Variants in RTN4 observed in about 807,000 individuals in gnomAD.
The protein encoded by RTN4 is reticulon-4.
A neutral mutation model predicts 90.4 loss-of-function variants in RTN4; 32 were observed. The ratio of observed to expected loss-of-function variants is 0.35; its 90% CI spans 0.27 to 0.48. The LOEUF is 0.48. RTN4 is among the 20% of genes least tolerant of loss of function. The probability of loss-of-function intolerance (pLI) is 0.99; values close to 1 mark genes in which losing one functional copy is unlikely to be tolerated. For missense variants in RTN4, 1,706 were observed against 1,430.2 expected (o/e 1.19, Z -3.11); for synonymous variants, 629 against 552.5 (o/e 1.14, Z -1.94).
chr2:55,021,394 C>G (rs1558813436), intron 3 of RTN4, among the ~76,000 whole-genome samples: 1 of 150,886 alleles, frequency 6.6e-6, no homozygotes, highest in Non-Finnish European at 1.5e-5. Context: ...TTTCCCTGCC[C>G]CCCCCGCCAA....
At chr2:55,058,862 G>C (rs1235224667) in intron 2 of RTN4, among the ~76,000 whole-genome samples, 6 of 126,786 alleles carry the variant, frequency 4.7e-5, no homozygotes, top group African/African-American at 1.3e-4. Flanking sequence ...TTTCTTTTTT[G>C]ATAATTTTTT....
intron 1 of RTN4, among the ~76,000 whole-genome samples, chr2:55,103,668 A>C (rs1458106614): frequency 2.0e-5 from 3 of 152,026 alleles, no homozygotes; most frequent in Non-Finnish European, 2.9e-5. Flanking sequence ...GAAGACTTCT[A>C]TACAGTTGTA....
At chr2:54,974,882 G>A in intron 5 of RTN4, 118 bp from the exon 6 acceptor site, 1 of 757,846 alleles carries the variant, frequency 1.3e-6, no homozygotes, top group Non-Finnish European at 2.3e-6. Context: ...CTTGAAGACT[G>A]GGTAAAGTAC....
At chr2:54,996,856 A>T (rs942222035) in intron 3 of RTN4, among the ~76,000 whole-genome samples, 1 of 152,076 alleles carries the variant, frequency 6.6e-6, no homozygotes, top group South Asian at 2.1e-4. Context: ...CTGGGCTCAA[A>T]CAATCCTCCT....
At position 55,005,326 on chromosome 2, in the gene RTN4, T is replaced by C. The variant is rs572151529; in HGVS notation, c.3014-17628A>G. Among the ~76,000 whole-genome samples, 12 of 152,298 alleles carry C rather than the reference T, an allele frequency of 7.9e-5. No homozygotes were observed. The South Asian group carries it at 2.3e-3, about 29-fold the overall frequency. The stretch of plus-strand genomic sequence containing the variant: ...AGTACACAGACTTGGGTAAATAAAA[T>C]AGAAAGGCTATTTCCACCATTGCTC... On this transcript the variant is annotated intron_variant, in intron 3 of 8. Transcript: ENST00000337526.
chr2:55,131,414 G>C, the RTN4 span, among the ~76,000 whole-genome samples: 1 of 16,622 alleles, frequency 6.0e-5, no homozygotes, highest in South Asian at 7.4e-4. Flanking sequence ...TTGCCATGTT[G>C]CCCAGGCTGG....
intron 1 of RTN4, among the ~76,000 whole-genome samples, chr2:55,043,704 G>A (rs1234683022): frequency 6.6e-6 from 1 of 152,064 alleles, no homozygotes; most frequent in Non-Finnish European, 1.5e-5. Context: ...TGGCCAACAT[G>A]GTGAAACCCC....
upstream of RTN4, among the ~76,000 whole-genome samples, chr2:55,054,323 T>G (rs1668152634): frequency 6.6e-6 from 1 of 152,146 alleles, no homozygotes; most frequent in Admixed American, 6.5e-5. Context: ...GTGCTTTCAC[T>G]TTATACTTTT....
At chr2:55,088,696 C>T (rs570466387) in intron 1 of RTN4, among the ~76,000 whole-genome samples, 21 of 152,016 alleles carry the variant, frequency 1.4e-4, no homozygotes, top group South Asian at 6.2e-4. Context: ...AAAATGATGA[C>T]GGGGAGTTAG....
chr2:55,017,066 T>C (rs1259046064), intron 3 of RTN4, among the ~76,000 whole-genome samples: 1 of 152,192 alleles, frequency 6.6e-6, no homozygotes, highest in Non-Finnish European at 1.5e-5. Flanking sequence ...AATATAATCG[T>C]TTCCTTTATT....
intron 1 of RTN4, among the ~76,000 whole-genome samples, chr2:55,111,873 T>C (rs749065597): frequency 6.6e-6 from 1 of 152,216 alleles, no homozygotes; most frequent in African/African-American, 2.4e-5. Context: ...TCCTGCCTTG[T>C]GACCAGCTCT....
At chr2:55,044,369 C>A (rs565777252) in intron 1 of RTN4, among the ~76,000 whole-genome samples, 2 of 151,740 alleles carry the variant, frequency 1.3e-5, no homozygotes, top group African/African-American at 2.4e-5. Flanking sequence ...CCAGCCTGAG[C>A]GACAGAGTAA....
Position 55,110,670 on chromosome 2 carries a change from A to T in RTN4, c.-214+1850T>A, listed in dbSNP as rs533667669. Among the ~76,000 whole-genome samples, 3 of 152,344 alleles carry T rather than the reference A, an allele frequency of 2.0e-5. No homozygotes were observed. The South Asian group carries it at 6.2e-4, about 32-fold the overall frequency. On this transcript the variant is annotated intron_variant, in intron 1 of 3. Transcript: ENST00000427710. ...TTAAAAAAAACTGTCTCATTCTTTAAATAAATGTCAAGGGTGTTTACTCCA... is the reference window on the plus strand; with the variant it reads ...TTAAAAAAAACTGTCTCATTCTTTATATAAATGTCAAGGGTGTTTACTCCA...
Position 55,081,368 on chromosome 2 carries a change from C to A in RTN4, c.-213-729G>T, listed in dbSNP as rs1041260370. Among the ~76,000 whole-genome samples, 10 of 152,248 alleles carry A rather than the reference C, an allele frequency of 6.6e-5. No individual in the cohort carries two copies. In the Middle Eastern group the frequency reaches 0.014, roughly 207 times the overall value. On this transcript the variant is annotated intron_variant, in intron 1 of 3. Coordinates refer to the RTN4 transcript ENST00000427710. ...CTGGGATTACAGGTATGAGCCACCA[C>A]AACCAGCCTTCACTCTCTTTTAAGC...
At chr2:55,072,784 A>G (rs1465905686) in intron 2 of RTN4, among the ~76,000 whole-genome samples, 1 of 152,178 alleles carries the variant, frequency 6.6e-6, no homozygotes, top group African/African-American at 2.4e-5. Flanking sequence ...AATCTGAAAA[A>G]TCTCTAACTA....
At chr2:55,071,340 G>C (rs1173505511) in intron 2 of RTN4, among the ~76,000 whole-genome samples, 1 of 151,664 alleles carries the variant, frequency 6.6e-6, no homozygotes, top group Non-Finnish European at 1.5e-5. Context: ...CCTTCTGTAC[G>C]GGTGATTATA....
At chr2:55,014,830 T>A (rs1680914205) in intron 3 of RTN4, among the ~76,000 whole-genome samples, 1 of 152,142 alleles carries the variant, frequency 6.6e-6, no homozygotes, top group Non-Finnish European at 1.5e-5. Flanking sequence ...CACGCATTTT[T>A]AAATTCTGAA....
chr2:55,133,459 A>G, the RTN4 span, among the ~76,000 whole-genome samples: 2 of 152,164 alleles, frequency 1.3e-5, no homozygotes, highest in Non-Finnish European at 2.9e-5. Flanking sequence ...CTACTTCCCA[A>G]TAATACGGGA....
chr2:55,006,816 A>G (rs905641366), intron 3 of RTN4, among the ~76,000 whole-genome samples: 2 of 152,080 alleles, frequency 1.3e-5, no homozygotes, highest in Non-Finnish European at 2.9e-5. Flanking sequence ...CCTTAGTATC[A>G]GTTACACTAT....
Sources: gnomAD v4.1 joint callset for allele counts (sites outside exome capture counted in the v4.1 genomes callset) on GRCh38, gnomAD v4.1.1 for gene constraint, MANE v1.5 for transcripts, NCBI Gene and HGNC (gene_info 2026-07-23, HGNC 2026-07-21) for gene names.